The following TSGA10 variants were observed in gnomAD, a reference collection of about 807,000 sequenced individuals.
The protein encoded by TSGA10 is testis specific 10.
In TSGA10, 43 loss-of-function variants were observed where a neutral mutation model predicts 96.6. The ratio of observed to expected loss-of-function variants is 0.44; its 90% CI spans 0.35 to 0.57. The LOEUF is 0.57. Ranked by LOEUF, TSGA10 falls within the 20% of genes least tolerant of loss-of-function variation. TSGA10 has a pLI of 0.01. For synonymous variants in TSGA10, 229 were observed against 269.9 expected (o/e 0.85, Z 1.48); for missense variants, 703 against 834.4 (o/e 0.84, Z 1.94).
chr2:99,124,380 G>C (rs897941936), intron 2 of TSGA10, among the ~76,000 whole-genome samples: 1 of 152,098 alleles, frequency 6.6e-6, no homozygotes, highest in Non-Finnish European at 1.5e-5. Context: ...GCCCTTTTCA[G>C]ATATGTAATT....
At chr2:99,101,914 G>A (rs1382487524) in intron 10 of TSGA10, 2 of 621,086 alleles carry the variant, frequency 3.2e-6, no homozygotes, top group Non-Finnish European at 5.8e-6. Flanking sequence ...GCTGTTCAAA[G>A]GATACAGAGG....
chr2:99,101,941 G>A (rs1012026691), intron 10 of TSGA10: 7 of 707,508 alleles, frequency 9.9e-6, no homozygotes, highest in Admixed American at 2.5e-5. Context: ...TGTGCAACAC[G>A]AAAAACTCTA....
intron 1 of TSGA10, chr2:99,142,424 A>G (rs371993711): frequency 1.3e-5 from 2 of 152,214 alleles, no homozygotes; most frequent in Admixed American, 1.3e-4. Flanking sequence ...TTTTCCCCCC[A>G]CAAGATATCA....
At chr2:99,077,450 GC>G (rs1364714080) in intron 12 of TSGA10, among the ~76,000 whole-genome samples, 3 of 152,156 alleles carry the variant, frequency 2.0e-5, no homozygotes, top group Non-Finnish European at 4.4e-5. Context: ...CAATGATGCT[GC>G]TTTTGCTTAA....
chr2:99,034,244 A>T (rs2081401870), intron 17 of TSGA10, among the ~76,000 whole-genome samples: 1 of 151,932 alleles, frequency 6.6e-6, no homozygotes, highest in Non-Finnish European at 1.5e-5. Flanking sequence ...CTTACTAAAA[A>T]TACAAAAATC....
intron 17 of TSGA10, among the ~76,000 whole-genome samples, chr2:99,022,252 G>A (rs945807334): frequency 4.4e-5 from 6 of 136,974 alleles, no homozygotes; most frequent in Admixed American, 1.7e-4. Context: ...CTTGAGCCCA[G>A]AAGTTGAGGA....
intron 15 of TSGA10, among the ~76,000 whole-genome samples, chr2:99,068,009 T>A (rs976921260): frequency 3.3e-5 from 5 of 152,164 alleles, no homozygotes; most frequent in African/African-American, 1.2e-4. Context: ...GTAGCCTGCA[T>A]AAATAAAAAG....
chr2:99,002,224 GC>G, intron 20 of TSGA10, among the ~76,000 whole-genome samples: 1 of 152,236 alleles, frequency 6.6e-6, no homozygotes, highest in Middle Eastern at 3.4e-3. Flanking sequence ...AATATTAAGG[GC>G]AGCCAGAAAG....
chr2:99,134,203 C>A (rs569715655), intron 1 of TSGA10, among the ~76,000 whole-genome samples: 2 of 152,276 alleles, frequency 1.3e-5, no homozygotes, highest in African/African-American at 4.8e-5. Context: ...ATTCTCGTCA[C>A]TTTCAGAGTA....
chr2:99,030,339 T>C (rs148476215), intron 17 of TSGA10, among the ~76,000 whole-genome samples: 2,745 of 143,598 alleles, frequency 0.019, 87 homozygotes, highest in African/African-American at 0.068. Context: ...AGAGCAAGGC[T>C]CTGTCTCAAA....
intron 14 of TSGA10, 92 bp from the exon 15 acceptor site, chr2:99,069,090 CAAATA>C (rs1333360244): frequency 1.9e-6 from 1 of 534,408 alleles, no homozygotes; most frequent in East Asian, 3.5e-5. Context: ...ACACTTGGAA[CAAATA>C]AAATTAACAT....
At chr2:99,062,091 A>G (rs2084759190) in intron 16 of TSGA10, among the ~76,000 whole-genome samples, 1 of 152,250 alleles carries the variant, frequency 6.6e-6, no homozygotes, top group African/African-American at 2.4e-5. Context: ...ACAGTTACAG[A>G]GGAAGATTTT....
At chr2:99,150,789 AT>A (rs1413594844) in intron 1 of TSGA10, 2 of 1,605,868 alleles carry the variant, frequency 1.2e-6, no homozygotes. Flanking sequence ...GTTCAGTGGT[AT>A]ATGTCAAAGA....
chr2:99,014,478 G>T (rs2079313413), intron 20 of TSGA10, among the ~76,000 whole-genome samples: 1 of 152,078 alleles, frequency 6.6e-6, no homozygotes, highest in South Asian at 2.1e-4. Context: ...AAACATCTGG[G>T]ATACACCAAA....
intron 7 of TSGA10, among the ~76,000 whole-genome samples, chr2:99,107,346 T>C (rs1473713376): frequency 6.6e-6 from 1 of 152,136 alleles, no homozygotes; most frequent in Non-Finnish European, 1.5e-5. Flanking sequence ...AAAGGAGAAA[T>C]TGTTAAATAA....
At position 99,031,037 on chromosome 2, in the gene TSGA10, C is replaced by T. The variant is rs369979875; in HGVS notation, c.1614+4193G>A. 6.7e-5 allele frequency among the ~76,000 whole-genome samples: 10 copies of T among 149,024 alleles called. No homozygotes were observed. In the South Asian group the frequency reaches 1.3e-3, roughly 19 times the overall value. Reference sequence around the variant, plus strand: ...ATCAAAGAGATTAGAATACCTAAAACAATTTTGAAAAAAAAAGAATAAAGC... The same window carrying T: ...ATCAAAGAGATTAGAATACCTAAAATAATTTTGAAAAAAAAAGAATAAAGC... On this transcript the variant is annotated intron_variant, in intron 17 of 20. Coordinates refer to ENST00000393483, the MANE Select transcript of TSGA10 (RefSeq NM_025244.4).
chr2:99,085,609 T>TAAA (rs200309936), intron 10 of TSGA10, among the ~76,000 whole-genome samples: 659 of 52,454 alleles, frequency 0.013, 14 homozygotes, highest in Non-Finnish European at 0.015. Context: ...ATCCTGTCTT[T>TAAA]AAAAAAAAAA....
chr2:99,127,776 C>T lies in TSGA10; in HGVS notation c.-620-600G>A, dbSNP rs138021377. Among the ~76,000 whole-genome samples the T allele has an allele frequency of 5.8e-3, 888 of 152,226 alleles. 10 individuals carry two copies. The highest frequency in any genetic ancestry group is 0.02 in the African/African-American group (850 of 41,538). On this transcript the variant is annotated intron_variant, in intron 1 of 20. Coordinates refer to ENST00000393483, the MANE Select transcript of TSGA10 (RefSeq NM_025244.4). ...CAGTAACATGGATATAGCGTCCTTA[C>T]GTATCACCGGTGGGAGAGTAAACTG...
intron 20 of TSGA10, among the ~76,000 whole-genome samples, chr2:99,005,321 G>T (rs2078362702): frequency 6.6e-6 from 1 of 152,100 alleles, no homozygotes; most frequent in African/African-American, 2.4e-5. Flanking sequence ...GAAACAAAGG[G>T]TATTCAAATA....
Sources: allele counts gnomAD v4.1 joint callset (sites outside exome capture counted in the v4.1 genomes callset), GRCh38; gene constraint gnomAD v4.1.1; transcripts MANE v1.5; gene names NCBI Gene and HGNC (gene_info 2026-07-23, HGNC 2026-07-21).